SLC38A8: variants seen among roughly 807,000 people sequenced by gnomAD.
The protein encoded by SLC38A8 is solute carrier family 38 member 8.
In SLC38A8, 65 loss-of-function variants were observed where a neutral mutation model predicts 46.0. The ratio of observed to expected loss-of-function variants is 1.41; its 90% confidence interval spans 1.16 to 1.74. The LOEUF (loss-of-function observed/expected upper bound fraction) is 1.74. Ranked by LOEUF, SLC38A8 falls within the 40% of genes most tolerant of loss-of-function variation. SLC38A8 has a pLI of 0.00. For synonymous variants in SLC38A8, 447 were observed against 243.7 expected (o/e 1.83, Z -7.77); for missense variants, 998 against 567.9 (o/e 1.76, Z -7.70).
chr16:84,030,448 G>A (rs1300061244), intron 5 of SLC38A8, among the ~76,000 whole-genome samples: 1 of 151,970 alleles, frequency 6.6e-6, no homozygotes, highest in Non-Finnish European at 1.5e-5. Flanking sequence ...CTGGGCCAAC[G>A]TCAGCCACGT....
At chr16:84,031,791 C>A (rs976428719) in intron 5 of SLC38A8, 76 bp downstream of exon 5, 2 of 1,273,258 alleles carry the variant, frequency 1.6e-6, no homozygotes, top group Non-Finnish European at 2.3e-6. Context: ...GAGGCTCCTC[C>A]TCCAAGACTC....
chr16:84,040,683 G>A (rs943990923), intron 2 of SLC38A8, among the ~76,000 whole-genome samples: 3 of 152,208 alleles, frequency 2.0e-5, no homozygotes, highest in Admixed American at 6.5e-5. Context: ...GTGCACCTCA[G>A]GAAGCTCTTA....
intron 7 of SLC38A8, among the ~76,000 whole-genome samples, chr16:84,017,503 ATCC>A (rs1241275216): frequency 1.1e-4 from 16 of 152,186 alleles, no homozygotes; most frequent in African/African-American, 3.9e-4. Context: ...TCCGCCACTT[ATCC>A]TCCTTTCAAA....
intron 8 of SLC38A8, 130 bp downstream of exon 8, chr16:84,017,010 G>C: frequency 7.6e-7 from 1 of 1,314,718 alleles, no homozygotes; most frequent in Non-Finnish European, 1.0e-6. Context: ...CTCTGTGCCT[G>C]TTTCCTCCTG....
At chr16:84,014,366 T>A (rs1399298231) in intron 9 of SLC38A8, among the ~76,000 whole-genome samples, 1 of 130,832 alleles carries the variant, frequency 7.6e-6, no homozygotes, top group African/African-American at 3.0e-5. Flanking sequence ...GAGGGAGGAG[T>A]CGTGTGGCCA....
intron 3 of SLC38A8, among the ~76,000 whole-genome samples, chr16:84,035,965 T>A (rs958428308): frequency 6.6e-6 from 1 of 152,244 alleles, no homozygotes; most frequent in Non-Finnish European, 1.5e-5. Flanking sequence ...CAGCACACTG[T>A]ACCCAGCAAC....
rs1444909552 is a variant in SLC38A8 at position 84,036,851 on chromosome 16, G to A, written c.239C>T (p.Ala80Val). 4.3e-6 allele frequency: 7 copies of A among 1,613,606 alleles called. No homozygotes were observed. The highest frequency in any genetic ancestry group is 1.3e-5 in the African/African-American group (1 of 74,938). The change falls in exon 3 of 11, where the codon GCT becomes GTT. Residue 80 changes from alanine (A) to valine (V), a missense_variant. Coordinates refer to ENST00000299709, the MANE Select transcript of SLC38A8 (RefSeq NM_001080442.3). Reference protein sequence around the residue: ...ISGLVILGYAAAVSGQATYQG... With the variant: ...ISGLVILGYAVAVSGQATYQG... ...GTAGGTGGCCTGGCCACTGACAGCA[G>A]CAGCATAGCCCAGGATGACCAGCCC...
At chr16:84,014,633 G>A (rs1386850698) in intron 9 of SLC38A8, among the ~76,000 whole-genome samples, 1 of 152,250 alleles carries the variant, frequency 6.6e-6, no homozygotes, top group East Asian at 1.9e-4. Context: ...AGAGCCAGGA[G>A]CAGAGTGGGT....
At chr16:84,011,763 G>C (rs1410704797) in intron 10 of SLC38A8, among the ~76,000 whole-genome samples, 5 of 152,124 alleles carry the variant, frequency 3.3e-5, no homozygotes, top group African/African-American at 1.2e-4. Flanking sequence ...GGGCGTCTGT[G>C]GTCCCAGCTA....
At chr16:84,035,334 G>A (rs908879345) in intron 3 of SLC38A8, among the ~76,000 whole-genome samples, 11 of 152,182 alleles carry the variant, frequency 7.2e-5, no homozygotes, top group African/African-American at 2.4e-4. Context: ...CCAAGACACA[G>A]CAGCCTTCAA....
At chr16:84,038,940 C>T (rs1567705208) in intron 2 of SLC38A8, among the ~76,000 whole-genome samples, 1 of 152,158 alleles carries the variant, frequency 6.6e-6, no homozygotes, top group Non-Finnish European at 1.5e-5. Context: ...AGCCTGTGAA[C>T]GTGACTTACT....
At chr16:84,025,990 G>C (rs1367601335) in intron 6 of SLC38A8, among the ~76,000 whole-genome samples, 2 of 152,240 alleles carry the variant, frequency 1.3e-5, no homozygotes, top group African/African-American at 4.8e-5. Context: ...TGTGGTCCTA[G>C]AGCCCCAGTG....
intron 7 of SLC38A8, among the ~76,000 whole-genome samples, chr16:84,020,562 C>A (rs559452912): frequency 3.2e-4 from 48 of 152,328 alleles, no homozygotes; most frequent in African/African-American, 1.1e-3. Flanking sequence ...CCACTTATAC[C>A]TTCTGGGGCT....
intron 6 of SLC38A8, among the ~76,000 whole-genome samples, chr16:84,026,831 T>G (rs1371312283): frequency 1.3e-5 from 2 of 152,128 alleles, no homozygotes; most frequent in African/African-American, 4.8e-5. Flanking sequence ...GAGGTGGCCA[T>G]CGTAGGCAAA....
chr16:84,022,993 G>A (rs369868745), intron 6 of SLC38A8, 104 bp from the exon 7 acceptor site: 2 of 761,024 alleles, frequency 2.6e-6, no homozygotes, highest in African/African-American at 1.8e-5. Flanking sequence ...ATATGATGAG[G>A]TTTCTCTTGA....
chr16:84,020,730 G>A (rs868013134), intron 7 of SLC38A8, among the ~76,000 whole-genome samples: 4 of 152,194 alleles, frequency 2.6e-5, no homozygotes, highest in African/African-American at 9.7e-5. Flanking sequence ...AGGCCTCTGA[G>A]CCTGTGATGG....
At chr16:84,012,431 G>A (rs2084965399) in intron 10 of SLC38A8, among the ~76,000 whole-genome samples, 2 of 152,230 alleles carry the variant, frequency 1.3e-5, no homozygotes, top group Admixed American at 6.5e-5. Flanking sequence ...TTGTATGCCA[G>A]GCAGGTGGGT....
At chr16:84,027,214 G>A (rs1157773467) in intron 6 of SLC38A8, among the ~76,000 whole-genome samples, 1 of 152,176 alleles carries the variant, frequency 6.6e-6, no homozygotes, top group Non-Finnish European at 1.5e-5. Context: ...GCTGGACGTG[G>A]TGACAGGCGC....
intron 2 of SLC38A8, among the ~76,000 whole-genome samples, chr16:84,039,355 G>A (rs1175001186): frequency 6.6e-6 from 1 of 152,156 alleles, no homozygotes; most frequent in African/African-American, 2.4e-5. Context: ...TCTCACCCAC[G>A]CTCTAAGCTC....
Sources: gnomAD v4.1 joint callset for allele counts (sites outside exome capture counted in the v4.1 genomes callset) on GRCh38, gnomAD v4.1.1 for gene constraint, MANE v1.5 for transcripts, NCBI Gene and HGNC (gene_info 2026-07-23, HGNC 2026-07-21) for gene names.